Variants in CCSER1 observed in about 807,000 individuals in gnomAD.
CCSER1 encodes serine-rich coiled-coil domain-containing protein 1.
Under a neutral mutation model 82.0 loss-of-function variants are expected in CCSER1, and 41 were observed. That is an observed-to-expected ratio of 0.50 (90% CI 0.39 to 0.65). CCSER1 has a LOEUF of 0.65. Among genes scored for constraint, CCSER1 ranks in the 30% least tolerant of loss-of-function variants. CCSER1 has a pLI of 0.00. For synonymous variants in CCSER1, 414 were observed against 383.9 expected (o/e 1.08, Z -0.92); for missense variants, 1,119 against 1,064.2 (o/e 1.05, Z -0.72).
chr4:91,378,709 G>A (rs866582735), intron 10 of CCSER1, among the ~76,000 whole-genome samples: 2 of 152,140 alleles, frequency 1.3e-5, no homozygotes, highest in African/African-American at 2.4e-5. Context: ...GGGACAATTT[G>A]ACTTCCTCTT....
At chr4:91,037,762 A>T (rs1316903161) in intron 9 of CCSER1, among the ~76,000 whole-genome samples, 4 of 151,876 alleles carry the variant, frequency 2.6e-5, no homozygotes, top group East Asian at 3.8e-4. Context: ...TTTATTTTTT[A>T]AAAATATTTG....
intron 10 of CCSER1, among the ~76,000 whole-genome samples, chr4:91,495,269 A>G (rs1185573999): frequency 6.6e-6 from 1 of 151,616 alleles, no homozygotes; most frequent in East Asian, 1.9e-4. Context: ...AATGCAAACT[A>G]TACATGTTTT....
At chr4:90,499,770 C>T (rs1403969680) in intron 5 of CCSER1, among the ~76,000 whole-genome samples, 1 of 152,080 alleles carries the variant, frequency 6.6e-6, no homozygotes, top group East Asian at 1.9e-4. Context: ...CATGATTTCT[C>T]ATGTTCCATC....
intron 9 of CCSER1, among the ~76,000 whole-genome samples, chr4:91,040,320 T>C (rs2150575604): frequency 6.6e-6 from 1 of 152,304 alleles, no homozygotes; most frequent in South Asian, 2.1e-4. Flanking sequence ...TAAAAGAAAC[T>C]TTATCTTTTT....
chr4:90,361,838 G>GC (rs1325233499), intron 3 of CCSER1, among the ~76,000 whole-genome samples: 23 of 152,314 alleles, frequency 1.5e-4, no homozygotes, highest in Admixed American at 1.5e-3. Context: ...TTGTGTTTCT[G>GC]CAAGTCTTGT....
rs939318042 is a variant in CCSER1, at chr4:90,834,754, C to T, written c.2094+18909C>T. Among the ~76,000 whole-genome samples, 14 of 152,142 alleles carry T rather than the reference C, an allele frequency of 9.2e-5. No homozygotes were observed. The South Asian group carries it at 1.0e-3, about 11-fold the overall frequency. On this transcript the variant is annotated intron_variant, in intron 8 of 10. Coordinates refer to ENST00000509176, the MANE Select transcript of CCSER1 (RefSeq NM_001145065.2). ...CACCTGATGTGTACATCCCATGTAA[C>T]GGAAAGGGCGACAATAAAATGGGGA...
At chr4:91,594,540 C>T (rs570284933) in intron 10 of CCSER1, among the ~76,000 whole-genome samples, 11 of 150,728 alleles carry the variant, frequency 7.3e-5, no homozygotes, top group South Asian at 2.1e-4. Flanking sequence ...CCCATCCTTC[C>T]GATCCAAATG....
At chr4:91,400,439 T>C (rs1752245362) in intron 10 of CCSER1, among the ~76,000 whole-genome samples, 1 of 151,174 alleles carries the variant, frequency 6.6e-6, no homozygotes, top group Admixed American at 6.7e-5. Flanking sequence ...TTTTAAGCAA[T>C]ATATGCTTTT....
chr4:90,645,569 T>C (rs1727424966), intron 6 of CCSER1, among the ~76,000 whole-genome samples: 1 of 149,490 alleles, frequency 6.7e-6, no homozygotes, highest in South Asian at 2.1e-4. Flanking sequence ...TAATTTGCTG[T>C]TGTTTAAATT....
chr4:90,473,213 A>G (rs1460284747), intron 5 of CCSER1, among the ~76,000 whole-genome samples: 1 of 152,176 alleles, frequency 6.6e-6, no homozygotes, highest in Non-Finnish European at 1.5e-5. Flanking sequence ...TTTTGTATTA[A>G]TACTTTTTTA....
chr4:91,343,189 T>G (rs1554853), intron 10 of CCSER1, among the ~76,000 whole-genome samples: 68,086 of 151,832 alleles, frequency 0.45, 15,892 homozygotes, highest in East Asian at 0.75. Flanking sequence ...TTCTGAAATT[T>G]TTCTTATCCT....
intron 7 of CCSER1, among the ~76,000 whole-genome samples, chr4:90,793,225 G>T (rs1405185583): frequency 6.6e-6 from 1 of 151,876 alleles, no homozygotes; most frequent in Non-Finnish European, 1.5e-5. Context: ...GTGCAGGTTT[G>T]TTATGTAGGT....
At chr4:90,515,795 C>G (rs374086666) in intron 5 of CCSER1, among the ~76,000 whole-genome samples, 1 of 152,100 alleles carries the variant, frequency 6.6e-6, no homozygotes. Flanking sequence ...TGTTATATGT[C>G]AGAACTAGGA....
At chr4:90,291,662 G>T (rs181659086) in intron 1 of CCSER1, among the ~76,000 whole-genome samples, 1 of 152,032 alleles carries the variant, frequency 6.6e-6, no homozygotes, top group Admixed American at 6.6e-5. Context: ...AAAGAAATGA[G>T]CTAAATTTGT....
At chr4:91,253,758 A>G (rs1740452331) in intron 10 of CCSER1, among the ~76,000 whole-genome samples, 1 of 152,202 alleles carries the variant, frequency 6.6e-6, no homozygotes, top group South Asian at 2.1e-4. Flanking sequence ...GAAGCATAGC[A>G]GCTTCTGCTT....
chr4:91,229,231 G>A (rs989908036), intron 10 of CCSER1, among the ~76,000 whole-genome samples: 1 of 149,942 alleles, frequency 6.7e-6, no homozygotes, highest in Admixed American at 6.7e-5. Context: ...CTGCTAATGG[G>A]CAATATGACT....
chr4:91,379,347 T>C (rs977501626), intron 10 of CCSER1, among the ~76,000 whole-genome samples: 1 of 152,196 alleles, frequency 6.6e-6, no homozygotes, highest in South Asian at 2.1e-4. Context: ...TCCTTGTACC[T>C]CTGGTAGAAT....
At chr4:91,415,227 T>C (rs944097493) in intron 10 of CCSER1, among the ~76,000 whole-genome samples, 1 of 152,102 alleles carries the variant, frequency 6.6e-6, no homozygotes, top group African/African-American at 2.4e-5. Context: ...TGTTGATGTG[T>C]ATGAATGCTA....
chr4:91,333,968 C>T (rs1385841325), intron 10 of CCSER1, among the ~76,000 whole-genome samples: 2 of 151,976 alleles, frequency 1.3e-5, no homozygotes, highest in Admixed American at 1.3e-4. Flanking sequence ...GCAAAAGTTA[C>T]TGAGAAGTTA....
Sources: gnomAD v4.1 joint callset for allele counts (sites outside exome capture counted in the v4.1 genomes callset) on GRCh38, gnomAD v4.1.1 for gene constraint, MANE v1.5 for transcripts, NCBI Gene and HGNC (gene_info 2026-07-23, HGNC 2026-07-21) for gene names.